The following RARB variants were observed in gnomAD, a reference collection of about 807,000 sequenced individuals.
The protein encoded by RARB is retinoic acid receptor beta, also known as HBV-activated protein.
RARB carries 17 observed loss-of-function variants against 51.9 expected under a neutral mutation model. That is an observed-to-expected ratio of 0.33 (90% CI 0.22 to 0.49). The LOEUF (loss-of-function observed/expected upper bound fraction) is 0.49, where lower values mean the gene tolerates loss of function less well. Among genes scored for constraint, RARB ranks in the 20% least tolerant of loss-of-function variants. The pLI is 0.99. For missense variants in RARB, 369 were observed against 550.8 expected (o/e 0.67, Z 3.30); for synonymous variants, 215 against 195.4 (o/e 1.10, Z -0.84).
At chr3:24,943,011 G>A (rs1229861733) in intron 2 of RARB, among the ~76,000 whole-genome samples, 3 of 152,108 alleles carry the variant, frequency 2.0e-5, no homozygotes, top group Admixed American at 1.3e-4. Flanking sequence ...TGAAAAATCC[G>A]TAGGAAGACC....
At chr3:25,152,850 AC>A (rs1559484605) in intron 4 of RARB, among the ~76,000 whole-genome samples, 2 of 152,200 alleles carry the variant, frequency 1.3e-5, no homozygotes, top group Non-Finnish European at 2.9e-5. Flanking sequence ...AAATTCATAA[AC>A]AAAATAGGGT....
At chr3:25,015,009 C>T (rs532619001) in intron 2 of RARB, among the ~76,000 whole-genome samples, 23 of 152,228 alleles carry the variant, frequency 1.5e-4, no homozygotes, top group African/African-American at 4.8e-4. Context: ...AGGAAAACAG[C>T]GTTGTTTATC....
chr3:25,235,400 G>A (rs1192757525), intron 5 of RARB, among the ~76,000 whole-genome samples: 1 of 152,120 alleles, frequency 6.6e-6, no homozygotes, highest in African/African-American at 2.4e-5. Flanking sequence ...AGTAGATTCA[G>A]AATTTGGGGG....
At chr3:25,186,921 G>A (rs1027569068) in intron 5 of RARB, among the ~76,000 whole-genome samples, 5 of 150,762 alleles carry the variant, frequency 3.3e-5, no homozygotes, top group Non-Finnish European at 7.4e-5. Flanking sequence ...GTGTGTGTGT[G>A]TGTGTGTGTG....
intron 2 of RARB, among the ~76,000 whole-genome samples, chr3:24,889,686 G>GTC (rs1437345475): frequency 1.5e-5 from 2 of 133,856 alleles, no homozygotes; most frequent in African/African-American, 3.1e-5. Context: ...GTGTGTGTGT[G>GTC]TGTGTGTGTG....
chr3:25,394,465 G>T (rs1707060372), intron 5 of RARB, among the ~76,000 whole-genome samples: 1 of 152,060 alleles, frequency 6.6e-6, no homozygotes, highest in African/African-American at 2.4e-5. Context: ...GACTTTCTGT[G>T]TTGATGACCT....
rs113530979 is a variant in RARB, at chr3:25,572,129, A to T, written c.609+2211A>T. Among the ~76,000 whole-genome samples, 525 of 152,286 alleles carry T rather than the reference A, an allele frequency of 3.4e-3. 4 individuals are homozygous for T. The highest frequency in any genetic ancestry group is 0.012 in the African/African-American group (506 of 41,548). ...CAGGCTGGCACAGTGGGAAGGGGCG[A>T]AAAGAGAAGATGAGAGAAAACAGGT... On this transcript the variant is annotated intron_variant, in intron 4 of 7. Coordinates refer to ENST00000330688, the MANE Select transcript of RARB (RefSeq NM_000965.5).
intron 3 of RARB, among the ~76,000 whole-genome samples, chr3:25,083,887 T>C (rs1219817882): frequency 6.6e-6 from 1 of 152,194 alleles, no homozygotes; most frequent in Non-Finnish European, 1.5e-5. Flanking sequence ...CTCTTTAAGA[T>C]ATGGCCTTTA....
intron 5 of RARB, among the ~76,000 whole-genome samples, chr3:25,402,162 T>C (rs1288089750): frequency 6.6e-6 from 1 of 152,162 alleles, no homozygotes; most frequent in Non-Finnish European, 1.5e-5. Flanking sequence ...CCACAAATTT[T>C]CCAAAATTAG....
intron 5 of RARB, among the ~76,000 whole-genome samples, chr3:25,219,453 T>C (rs1315820689): frequency 1.3e-5 from 2 of 152,170 alleles, no homozygotes; most frequent in Non-Finnish European, 2.9e-5. Flanking sequence ...TAATTTGAAG[T>C]AATACTAACT....
At chr3:24,893,752 T>C (rs946364999) in intron 2 of RARB, among the ~76,000 whole-genome samples, 1 of 152,068 alleles carries the variant, frequency 6.6e-6, no homozygotes, top group African/African-American at 2.4e-5. Context: ...CTCAGACTTC[T>C]GGACTCAAGC....
chr3:24,948,499 C>A (rs1365890819), intron 2 of RARB, among the ~76,000 whole-genome samples: 1 of 152,178 alleles, frequency 6.6e-6, no homozygotes, highest in Non-Finnish European at 1.5e-5. Flanking sequence ...AACCTCTAGA[C>A]CTTCTATTCA....
intron 4 of RARB, among the ~76,000 whole-genome samples, chr3:25,139,949 T>C (rs1037354266): frequency 1.3e-5 from 2 of 152,158 alleles, no homozygotes; most frequent in African/African-American, 4.8e-5. Flanking sequence ...TGACAGCACA[T>C]CTGTTTGCAG....
rs2067964 is a variant in RARB, at chr3:25,461,378, T to G, written c.306+37T>G. On this transcript the variant is annotated intron_variant, in intron 2 of 7. Transcript: ENST00000330688. ...CACTTCTGTGCCTGATGAACTCTCA[T>G]TCTCCATGTACTTTATGGAGGTGAC... 183,975 of 1,604,214 alleles carry G rather than the reference T, an allele frequency of 0.11. 11,144 individuals carry two copies. Among genetic ancestry groups the G allele is most frequent in the African/African-American group, 0.19 (13,838 of 74,788 alleles).
intron 3 of RARB, among the ~76,000 whole-genome samples, chr3:25,533,481 G>C (rs896549129): frequency 5.9e-5 from 9 of 152,150 alleles, no homozygotes; most frequent in African/African-American, 2.2e-4. Context: ...TGCATCTTGG[G>C]CTTTTAGTTC....
chr3:25,578,050 T>A (rs1201988782), intron 4 of RARB, among the ~76,000 whole-genome samples: 1 of 152,140 alleles, frequency 6.6e-6, no homozygotes, highest in Non-Finnish European at 1.5e-5. Context: ...ACAGCAAGGG[T>A]CACTCCTCAC....
At chr3:25,522,255 A>G (rs1167573175) in intron 3 of RARB, among the ~76,000 whole-genome samples, 3 of 152,144 alleles carry the variant, frequency 2.0e-5, no homozygotes, top group Admixed American at 1.3e-4. Flanking sequence ...AGACTTAAAA[A>G]TCCATCAAAA....
intron 3 of RARB, among the ~76,000 whole-genome samples, chr3:25,123,588 C>A (rs780027957): frequency 1.6e-4 from 24 of 152,170 alleles, no homozygotes; most frequent in Non-Finnish European, 2.4e-4. Flanking sequence ...TATAACCTAA[C>A]ACCTAATTGC....
intron 7 of RARB, among the ~76,000 whole-genome samples, chr3:25,595,926 C>G (rs536207504): frequency 6.6e-6 from 1 of 152,156 alleles, no homozygotes; most frequent in Non-Finnish European, 1.5e-5. Context: ...ACTAAGACAT[C>G]ATATTTAAAC....
Sources: allele counts gnomAD v4.1 joint callset (sites outside exome capture counted in the v4.1 genomes callset), GRCh38; gene constraint gnomAD v4.1.1; transcripts MANE v1.5; gene names NCBI Gene and HGNC (gene_info 2026-07-23, HGNC 2026-07-21).